The following CLRN1 variants were observed in gnomAD, a reference collection of about 807,000 sequenced individuals.
The protein encoded by CLRN1 is clarin-1.
A neutral mutation model predicts 18.7 loss-of-function variants in CLRN1; 15 were observed. The ratio of observed to expected loss-of-function variants is 0.80; its 90% CI spans 0.54 to 1.23. The LOEUF (loss-of-function observed/expected upper bound fraction) is 1.23, where lower values mean the gene tolerates loss of function less well. Ranked by LOEUF, CLRN1 falls within the 50% of genes most tolerant of loss-of-function variation. The pLI, the probability that CLRN1 is intolerant of heterozygous loss-of-function variation, is 0.00. For synonymous variants in CLRN1, 104 were observed against 102.9 expected, an observed-to-expected ratio of 1.01 and a Z score of -0.07; for missense variants, 311 against 277.5, an observed-to-expected ratio of 1.12 and a Z score of -0.86.
intron 1 of CLRN1, among the ~76,000 whole-genome samples, chr3:150,942,075 C>T (rs944240105): frequency 6.6e-6 from 1 of 150,986 alleles, no homozygotes; most frequent in Non-Finnish European, 1.5e-5. Context: ...AATAACCAAG[C>T]CTTTAATGAC....
intron 1 of CLRN1, among the ~76,000 whole-genome samples, chr3:150,960,727 G>A (rs1714985156): frequency 6.6e-6 from 1 of 152,162 alleles, no homozygotes; most frequent in South Asian, 2.1e-4. Context: ...AGTCTCTTTG[G>A]AAGGAGCAGA....
At chr3:150,966,701 C>A (rs1715276478) in intron 1 of CLRN1, among the ~76,000 whole-genome samples, 1 of 152,180 alleles carries the variant, frequency 6.6e-6, no homozygotes, top group Admixed American at 6.5e-5. Flanking sequence ...GAAACATCCA[C>A]TTTGGTCATG....
chr3:150,943,188 G>T (rs979837011), intron 1 of CLRN1, among the ~76,000 whole-genome samples: 38 of 152,256 alleles, frequency 2.5e-4, no homozygotes, highest in Non-Finnish European at 2.9e-4. Context: ...TTAGGCAGAC[G>T]GGGCAGGTCC....
chr3:150,972,554 T>C lies in CLRN1; in HGVS notation c.155A>G (p.Gln52Arg). The C allele has an allele frequency of 6.2e-7, 1 of 1,614,254 alleles. No individual in the cohort carries two copies. Among genetic ancestry groups the C allele is most frequent in the South Asian group, 1.1e-5 (1 of 91,090 alleles). The change falls in exon 1 of 3, where the codon CAG becomes CGG. Residue 52 changes from glutamine to arginine, a missense_variant. Transcript: ENST00000327047. ...TTCACCCATAAACTTGTCCAGCTCC[T>C]GCCCTGAGGCATTGACGAGCAGAGC... ...TGALLVNASG[Q>R]ELDKFMGEMQ...
In CLRN1 at chr3:150,926,771, G is replaced by A; in HGVS notation, c.*1165C>T. On this transcript the variant is annotated 3_prime_UTR_variant, in exon 3 of 3. Coordinates refer to ENST00000327047, the MANE Select transcript of CLRN1 (RefSeq NM_174878.3). ...CCTGTGGTCAGAGGCCTAGTGATCTGTTTGCTGTCATTCTCTGCTTTTTCC... is the reference window on the plus strand; with the variant it reads ...CCTGTGGTCAGAGGCCTAGTGATCTATTTGCTGTCATTCTCTGCTTTTTCC... The A allele has an allele frequency of 6.2e-7, 1 of 1,613,198 alleles. No homozygotes were observed.
chr3:150,972,189 A>T (rs967986482), intron 1 of CLRN1, among the ~76,000 whole-genome samples: 3 of 152,212 alleles, frequency 2.0e-5, no homozygotes, highest in African/African-American at 7.2e-5. Flanking sequence ...TTACATAAAT[A>T]TTAATACTTA....
downstream of CLRN1, chr3:150,926,472 T>C (rs1234567646): frequency 1.1e-5 from 4 of 372,862 alleles, no homozygotes; most frequent in Non-Finnish European, 2.0e-5. Context: ...GGCTCTAGCC[T>C]GTTACCAAAA....
chr3:150,972,779 T>C (rs3796240), upstream of CLRN1: 850,085 of 1,603,656 alleles, frequency 0.53, 226,872 homozygotes, highest in Non-Finnish European at 0.54. Context: ...AGGGACTGCC[T>C]CTTTGACTGC....
At chr3:150,941,079 T>G (rs1489453807) in intron 2 of CLRN1, among the ~76,000 whole-genome samples, 1 of 151,882 alleles carries the variant, frequency 6.6e-6, no homozygotes, top group African/African-American at 2.4e-5. Flanking sequence ...TCCCCCATAG[T>G]GTCATGGGTC....
intron 1 of CLRN1, among the ~76,000 whole-genome samples, chr3:150,946,124 G>A (rs1317124720): frequency 3.9e-5 from 6 of 152,108 alleles, no homozygotes; most frequent in African/African-American, 1.4e-4. Flanking sequence ...GTGATGTGAG[G>A]TGAAAAAACA....
intron 1 of CLRN1, among the ~76,000 whole-genome samples, chr3:150,971,106 C>T (rs190984729): frequency 8.7e-4 from 132 of 152,264 alleles, no homozygotes; most frequent in Admixed American, 1.7e-3. Context: ...CTTTGGCTGC[C>T]GGTGACTCAC....
At chr3:150,940,602 C>A (rs1478146913) in intron 2 of CLRN1, 11 of 1,285,020 alleles carry the variant, frequency 8.6e-6, no homozygotes, top group African/African-American at 1.5e-5. Flanking sequence ...CTGTATCCCT[C>A]CATGAAACCA....
chr3:150,941,780 T>C lies in CLRN1; in HGVS notation c.254-19A>G, dbSNP rs529726390. 10 of 1,611,278 alleles carry C rather than the reference T, an allele frequency of 6.2e-6. 1 individual carries two copies. In the South Asian group the frequency reaches 1.1e-4, roughly 18 times the overall value. On this transcript the variant is annotated intron_variant, in intron 1 of 2. Coordinates refer to ENST00000327047, the MANE Select transcript of CLRN1 (RefSeq NM_174878.3). ...GGAAAAACTGAAGATAAGACAAAAC[T>C]AGGGTTAGAAGAAGTTTCATTAGCA...
intron 2 of CLRN1, 50 bp from the exon 3 acceptor site, chr3:150,928,251 G>T: frequency 6.2e-7 from 1 of 1,607,146 alleles, no homozygotes; most frequent in Non-Finnish European, 8.5e-7. Context: ...TGATTGTAAG[G>T]GACAGGGAAG....
chr3:150,926,499 G>T, downstream of CLRN1: 1 of 416,694 alleles, frequency 2.4e-6, no homozygotes, highest in Non-Finnish European at 4.5e-6. Context: ...AATCCCCTTT[G>T]TGGCTAGACT....
At chr3:150,966,218 G>GT (rs1715251991) in intron 1 of CLRN1, among the ~76,000 whole-genome samples, 1 of 152,220 alleles carries the variant, frequency 6.6e-6, no homozygotes, top group African/African-American at 2.4e-5. Context: ...GGAGGCTGAG[G>GT]TGGGAGGATT....
intron 2 of CLRN1, among the ~76,000 whole-genome samples, chr3:150,930,131 A>G (rs1216490530): frequency 6.6e-6 from 1 of 152,222 alleles, no homozygotes; most frequent in African/African-American, 2.4e-5. Context: ...ATTACAGTGC[A>G]TGTAATCAAG....
At chr3:150,946,199 T>C (rs1445561005) in intron 1 of CLRN1, among the ~76,000 whole-genome samples, 2 of 152,192 alleles carry the variant, frequency 1.3e-5, no homozygotes, top group African/African-American at 4.8e-5. Flanking sequence ...AAAGGGAATG[T>C]GAATAATAAT....
chr3:150,930,585 G>C (rs1455147722), intron 2 of CLRN1, among the ~76,000 whole-genome samples: 1 of 152,016 alleles, frequency 6.6e-6, no homozygotes, highest in Non-Finnish European at 1.5e-5. Context: ...GCTCTCCCCT[G>C]GCAAAACCGT....
Sources: allele counts gnomAD v4.1 joint callset (sites outside exome capture counted in the v4.1 genomes callset), GRCh38; gene constraint gnomAD v4.1.1; transcripts MANE v1.5; gene names NCBI Gene and HGNC (gene_info 2026-07-23, HGNC 2026-07-21).